The following DLGAP1 variants were observed in gnomAD, a reference collection of about 807,000 sequenced individuals.
The protein encoded by DLGAP1 is DLG associated protein 1, also known as disks large-associated protein 1.
In DLGAP1, 11 loss-of-function variants were observed where a neutral mutation model predicts 90.8. The observed-to-expected ratio is 0.12, with a 90% confidence interval of 0.08 to 0.20. DLGAP1 has a LOEUF of 0.20. Ranked by LOEUF, DLGAP1 falls within the 10% of genes least tolerant of loss-of-function variation. The pLI, the probability that DLGAP1 is intolerant of heterozygous loss-of-function variation, is 1.00. For missense variants in DLGAP1, 1,050 were observed against 1,333.8 expected (o/e 0.79, Z 3.31); for synonymous variants, 558 against 540.7 (o/e 1.03, Z -0.44).
chr18:3,749,782 C>T (rs2063425805), intron 5 of DLGAP1, among the ~76,000 whole-genome samples: 1 of 152,086 alleles, frequency 6.6e-6, no homozygotes, highest in African/African-American at 2.4e-5. Flanking sequence ...CCTTTCTCCT[C>T]AAATTTTCTT....
intron 6 of DLGAP1, among the ~76,000 whole-genome samples, chr18:3,735,220 A>C (rs1479387230): frequency 2.0e-5 from 3 of 151,958 alleles, no homozygotes; most frequent in Non-Finnish European, 4.4e-5. Context: ...ATAATGTCAA[A>C]ATGCGTATTT....
At chr18:3,726,615 C>T (rs983551950) in intron 7 of DLGAP1, among the ~76,000 whole-genome samples, 2 of 152,126 alleles carry the variant, frequency 1.3e-5, no homozygotes, top group South Asian at 4.1e-4. Flanking sequence ...ATCCTATGTG[C>T]TTACTTAGTT....
At chr18:3,606,153 A>C (rs1319679318) in intron 7 of DLGAP1, among the ~76,000 whole-genome samples, 1 of 152,212 alleles carries the variant, frequency 6.6e-6, no homozygotes, top group East Asian at 1.9e-4. Flanking sequence ...CACAGTGTGC[A>C]GACAAAACTA....
chr18:4,014,232 C>T (rs568428408), intron 2 of DLGAP1, among the ~76,000 whole-genome samples: 20 of 152,008 alleles, frequency 1.3e-4, no homozygotes, highest in South Asian at 6.3e-4. Context: ...ACTACAGGTG[C>T]GCACCACCAC....
At chr18:3,834,894 T>C (rs77225865) in intron 4 of DLGAP1, among the ~76,000 whole-genome samples, 1,534 of 152,346 alleles carry the variant, frequency 0.01, 59 homozygotes, top group East Asian at 0.07. Flanking sequence ...TTATCTCACC[T>C]TAAAGATACA....
chr18:3,990,556 C>T (rs1485495596), intron 3 of DLGAP1, among the ~76,000 whole-genome samples: 1 of 147,810 alleles, frequency 6.8e-6, no homozygotes. Flanking sequence ...ATGGGTGCAA[C>T]ACACCAACAT....
rs779783305 is a variant in DLGAP1, at chr18:3,729,358, C to G, written c.1368G>C (p.Val456=). ...CGCACACGGACTCGAACTGCCCGTT[C>G]ACTTCCATCTCGCTCACCTGCGGGC... is the stretch of plus-strand genomic sequence containing the variant. ...STISQVSEME[V]NGQFESVCES... is the part of the protein sequence containing the mutation. The change falls in exon 7 of 13, where the codon GTG becomes GTC. Residue 456 remains valine (V), a synonymous_variant. Transcript: ENST00000315677. The surrounding 1 kb of genome is among the most constrained non-coding windows in gnomAD (Gnocchi z 6.2). The G allele has an allele frequency of 6.2e-7, 1 of 1,613,220 alleles. No individual in the cohort carries two copies. The highest frequency in any genetic ancestry group is 8.5e-7 in the Non-Finnish European group (1 of 1,179,274).
intron 2 of DLGAP1, among the ~76,000 whole-genome samples, chr18:4,094,676 C>A (rs918125751): frequency 7.6e-5 from 11 of 145,524 alleles, no homozygotes; most frequent in Non-Finnish European, 1.2e-4. Context: ...CAGCTCACTG[C>A]AACCTCTGCC....
chr18:3,923,489 G>A (rs1261590631), intron 3 of DLGAP1, among the ~76,000 whole-genome samples: 3 of 151,782 alleles, frequency 2.0e-5, no homozygotes, highest in Non-Finnish European at 4.4e-5. Context: ...TTATTGCTTT[G>A]TCAGTCAAGT....
At chr18:3,924,220 A>G (rs1246623860) in intron 3 of DLGAP1, among the ~76,000 whole-genome samples, 1 of 152,232 alleles carries the variant, frequency 6.6e-6, no homozygotes, top group African/African-American at 2.4e-5. Context: ...CCCAGTGGAA[A>G]GAAGTGAAAA....
In DLGAP1 at chr18:4,377,188, G is replaced by A. The variant is rs898053431; in HGVS notation, c.-267+77818C>T. ...CAGTTCAGTCATAATGGCTACATTT[G>A]TGGATGATGCTCCCTCTAGAACTGG... is the stretch of plus-strand genomic sequence containing the variant. On this transcript the variant is annotated intron_variant, in intron 1 of 12. Coordinates refer to ENST00000315677, the MANE Select transcript of DLGAP1 (RefSeq NM_004746.4). Among the ~76,000 whole-genome samples, 9 of 152,138 alleles carry A rather than the reference G, an allele frequency of 5.9e-5. 1 individual carries two copies. Among genetic ancestry groups the A allele is most frequent in the East Asian group, 3.9e-4 (2 of 5,168 alleles).
At position 3,850,859 on chromosome 18, in the gene DLGAP1, C is replaced by A. The variant is rs140913943; in HGVS notation, c.957+28253G>T. 3.1e-3 allele frequency among the ~76,000 whole-genome samples: 478 copies of A among 152,094 alleles called. 3 individuals are homozygous for A. The highest frequency in any genetic ancestry group is 1.0e-2 in the African/African-American group (413 of 41,464). On this transcript the variant is annotated intron_variant, in intron 4 of 12. Transcript: ENST00000315677. ...CTTGGTTGATAGGTAAACACACACACTGAGATTTCTTATAAAAAATCATCT... is the reference window on the plus strand; with the variant it reads ...CTTGGTTGATAGGTAAACACACACAATGAGATTTCTTATAAAAAATCATCT...
chr18:3,510,199 G>T (rs890525845), intron 10 of DLGAP1, among the ~76,000 whole-genome samples: 1 of 152,200 alleles, frequency 6.6e-6, no homozygotes, highest in African/African-American at 2.4e-5. Flanking sequence ...GTCCTCAATA[G>T]CTACTGCCTG....
chr18:4,211,209 G>C (rs1373882120), intron 1 of DLGAP1, among the ~76,000 whole-genome samples: 15 of 152,160 alleles, frequency 9.9e-5, no homozygotes, highest in Non-Finnish European at 2.2e-4. Flanking sequence ...GGCCTGTGAT[G>C]ACAATGAATC....
chr18:3,917,770 G>A (rs368815488), intron 3 of DLGAP1, among the ~76,000 whole-genome samples: 5 of 152,264 alleles, frequency 3.3e-5, no homozygotes, highest in East Asian at 1.9e-4. Flanking sequence ...CTGCTAGAGC[G>A]ATAATGATCA....
At chr18:3,532,539 T>C (rs1185185902) in intron 10 of DLGAP1, among the ~76,000 whole-genome samples, 2 of 149,744 alleles carry the variant, frequency 1.3e-5, no homozygotes, top group African/African-American at 2.5e-5. Flanking sequence ...GATGGCACCA[T>C]TGCACTCCAG....
intron 4 of DLGAP1, chr18:3,874,691 A>T: frequency 6.5e-7 from 1 of 1,535,208 alleles, no homozygotes; most frequent in Non-Finnish European, 8.7e-7. Context: ...AACAGTTTTA[A>T]TGTCTTCAAA....
intron 4 of DLGAP1, among the ~76,000 whole-genome samples, chr18:3,866,826 G>A (rs1048827254): frequency 2.0e-5 from 3 of 152,202 alleles, no homozygotes; most frequent in South Asian, 4.1e-4. Context: ...TCCATCAAGT[G>A]TGGAATTAGT....
intron 4 of DLGAP1, among the ~76,000 whole-genome samples, chr18:3,815,245 C>G (rs1182414796): frequency 2.6e-5 from 4 of 152,218 alleles, no homozygotes; most frequent in Non-Finnish European, 4.4e-5. Context: ...CCAGTGGTCT[C>G]TACCAGCTGC....
Sources: gnomAD v4.1 joint callset for allele counts (sites outside exome capture counted in the v4.1 genomes callset) on GRCh38, gnomAD v4.1.1 for gene constraint, Gnocchi (gnomAD v3.1) non-coding constraint, MANE v1.5 for transcripts, NCBI Gene and HGNC (gene_info 2026-07-23, HGNC 2026-07-21) for gene names.